Variants in ADAMTS20 observed in about 807,000 individuals in gnomAD.
ADAMTS20 encodes the protein ADAM metallopeptidase with thrombospondin type 1 motif 20, also known as A disintegrin and metalloproteinase with thrombospondin motifs 20.
ADAMTS20 carries 225 observed loss-of-function variants against 260.1 expected under a neutral mutation model. The observed-to-expected ratio is 0.87, with a 90% CI of 0.78 to 0.97. The LOEUF is 0.97. Among genes scored for constraint, ADAMTS20 ranks in the 50% least tolerant of loss-of-function variants. The pLI, the probability that ADAMTS20 is intolerant of heterozygous loss-of-function variation, is 0.00. For synonymous variants in ADAMTS20, 802 were observed against 769.5 expected (o/e 1.04, Z -0.70); for missense variants, 2,400 against 2,337.7 (o/e 1.03, Z -0.55).
At chr12:43,455,891 T>C (rs1204581833) in intron 11 of ADAMTS20, among the ~76,000 whole-genome samples, 1 of 152,110 alleles carries the variant, frequency 6.6e-6, no homozygotes, top group Non-Finnish European at 1.5e-5. Context: ...GTATTTTTAG[T>C]AGAGACAGGG....
At chr12:43,510,139 T>A (rs1322456894) in intron 3 of ADAMTS20, among the ~76,000 whole-genome samples, 1 of 152,116 alleles carries the variant, frequency 6.6e-6, no homozygotes, top group Non-Finnish European at 1.5e-5. Context: ...ATGTCCAGAA[T>A]GCATTTTTAA....
chr12:43,447,515 G>A (rs974428884), intron 14 of ADAMTS20, among the ~76,000 whole-genome samples: 1 of 152,098 alleles, frequency 6.6e-6, no homozygotes, highest in South Asian at 2.1e-4. Context: ...AGCGATCTAT[G>A]ACAAACCCAC....
intron 16 of ADAMTS20, 100 bp downstream of exon 16, chr12:43,443,691 C>G: frequency 2.2e-6 from 2 of 909,806 alleles, no homozygotes; most frequent in South Asian, 3.0e-5. Flanking sequence ...TGCATGCTTG[C>G]TAAAGGGACT....
At chr12:43,454,743 C>G (rs1941933920) in intron 11 of ADAMTS20, among the ~76,000 whole-genome samples, 1 of 152,156 alleles carries the variant, frequency 6.6e-6, no homozygotes, top group African/African-American at 2.4e-5. Context: ...AAAGTATGAC[C>G]ATGCACTCAT....
chr12:43,451,386 G>A (rs1394538670), intron 14 of ADAMTS20, among the ~76,000 whole-genome samples: 1 of 151,972 alleles, frequency 6.6e-6, no homozygotes, highest in Non-Finnish European at 1.5e-5. Context: ...TGGACCACCT[G>A]CCTCCAATCT....
chr12:43,363,866 G>A (rs1939927097), intron 37 of ADAMTS20, among the ~76,000 whole-genome samples: 1 of 152,154 alleles, frequency 6.6e-6, no homozygotes, highest in African/African-American at 2.4e-5. Context: ...GACTAATTGA[G>A]GCCATGGGGC....
intron 2 of ADAMTS20, among the ~76,000 whole-genome samples, chr12:43,550,525 C>G (rs1943497474): frequency 6.6e-6 from 1 of 152,158 alleles, no homozygotes; most frequent in African/African-American, 2.4e-5. Context: ...ACAAACTTAT[C>G]TAAGTAAATC....
intron 20 of ADAMTS20, 62 bp from the exon 21 acceptor site, chr12:43,432,530 CT>C: frequency 6.3e-7 from 1 of 1,597,100 alleles, no homozygotes; most frequent in African/African-American, 1.4e-5. Flanking sequence ...CAAAATTATA[CT>C]TCAGAGTAAC....
chr12:43,428,154 G>A (rs759306179), intron 26 of ADAMTS20, 87 bp downstream of exon 26: 1 of 1,314,042 alleles, frequency 7.6e-7, no homozygotes, highest in East Asian at 2.3e-5. Context: ...AGCATTTAAA[G>A]TACTGATGGC....
intron 27 of ADAMTS20, among the ~76,000 whole-genome samples, chr12:43,427,004 C>T (rs1165257977): frequency 6.6e-6 from 1 of 151,920 alleles, no homozygotes; most frequent in Admixed American, 6.6e-5. Flanking sequence ...AAATTCCCAT[C>T]TTTATTAAAA....
chr12:43,416,604 A>G (rs1353945308), intron 28 of ADAMTS20, among the ~76,000 whole-genome samples: 1 of 150,364 alleles, frequency 6.7e-6, no homozygotes, highest in Non-Finnish European at 1.5e-5. Context: ...GCTCACTGCA[A>G]GCTCCGCCTC....
At chr12:43,408,048 T>C (rs560457095) in intron 28 of ADAMTS20, among the ~76,000 whole-genome samples, 71 of 152,202 alleles carry the variant, frequency 4.7e-4, no homozygotes, top group Non-Finnish European at 9.0e-4. Flanking sequence ...TTTACAAGTA[T>C]AGGGTGACAT....
At chr12:43,501,469 G>GCACACACA (rs1474415285) in intron 4 of ADAMTS20, among the ~76,000 whole-genome samples, 4 of 42,094 alleles carry the variant, frequency 9.5e-5, no homozygotes, top group South Asian at 1.8e-3. Flanking sequence ...ATACGCGCGC[G>GCACACACA]CGCGCGCGCG....
intron 3 of ADAMTS20, among the ~76,000 whole-genome samples, chr12:43,526,872 A>G (rs1239816337): frequency 6.6e-6 from 1 of 152,180 alleles, no homozygotes; most frequent in Non-Finnish European, 1.5e-5. Flanking sequence ...CCACAAAAAC[A>G]ATACAAAAAA....
At chr12:43,481,218 A>G (rs1211819118) in intron 7 of ADAMTS20, among the ~76,000 whole-genome samples, 1 of 152,218 alleles carries the variant, frequency 6.6e-6, no homozygotes, top group Non-Finnish European at 1.5e-5. Flanking sequence ...GGATATAAAT[A>G]ACTTCCACAA....
intron 8 of ADAMTS20, among the ~76,000 whole-genome samples, chr12:43,467,580 T>C (rs917065270): frequency 6.6e-6 from 1 of 152,070 alleles, no homozygotes; most frequent in Non-Finnish European, 1.5e-5. Flanking sequence ...TAGTACTCTC[T>C]GCAAAAATCG....
chr12:43,454,082 G>T, intron 11 of ADAMTS20, 30 bp from the exon 12 acceptor site: 1 of 1,602,156 alleles, frequency 6.2e-7, no homozygotes, highest in Non-Finnish European at 8.5e-7. Context: ...AAAAAGAAAT[G>T]ATGTGTGTCT....
Position 43,502,460 on chromosome 12 carries a change from A to G in ADAMTS20, c.614-55T>C, listed in dbSNP as rs371385256. On this transcript the variant is annotated intron_variant, in intron 3 of 38. Coordinates refer to ENST00000389420, the MANE Select transcript of ADAMTS20 (RefSeq NM_025003.5). ...GCCATTAAATTGGATGTGACGAAAA[A>G]TATCGCAAAAAATAGAACAGCCAAA... is the stretch of plus-strand genomic sequence containing the variant. The G allele has an allele frequency of 2.0e-5, 30 of 1,535,234 alleles. No homozygotes were observed. The East Asian group carries it at 5.3e-4, about 27-fold the overall frequency.
chr12:43,518,527 T>C (rs1943028749), intron 3 of ADAMTS20, among the ~76,000 whole-genome samples: 3 of 152,142 alleles, frequency 2.0e-5, no homozygotes, highest in Non-Finnish European at 4.4e-5. Flanking sequence ...TTTGGATTTT[T>C]ATTTTTTCTG....
Sources: allele counts gnomAD v4.1 joint callset (sites outside exome capture counted in the v4.1 genomes callset), GRCh38; gene constraint gnomAD v4.1.1; transcripts MANE v1.5; gene names NCBI Gene and HGNC (gene_info 2026-07-23, HGNC 2026-07-21).